The following TMEM108 variants were observed in gnomAD, a reference collection of about 807,000 sequenced individuals.
TMEM108 encodes cancer/testis antigen 124.
TMEM108 carries 12 observed loss-of-function variants against 35.1 expected under a neutral mutation model. The ratio of observed to expected loss-of-function variants is 0.34; its 90% CI spans 0.22 to 0.55. The LOEUF is 0.55. Ranked by LOEUF, TMEM108 falls within the 20% of genes least tolerant of loss-of-function variation. TMEM108 has a pLI of 0.89. For missense variants in TMEM108, 680 were observed against 753.3 expected, an observed-to-expected ratio of 0.90 and a Z score of 1.14; for synonymous variants, 287 against 308.6, an observed-to-expected ratio of 0.93 and a Z score of 0.73.
intron 2 of TMEM108, among the ~76,000 whole-genome samples, chr3:133,085,688 GATA>G (rs1943872669): frequency 6.6e-6 from 1 of 152,058 alleles, no homozygotes; most frequent in Non-Finnish European, 1.5e-5. Flanking sequence ...TGTATTCAGT[GATA>G]ATAAGATGTC....
chr3:133,180,237 T>A (rs532645605), intron 2 of TMEM108, among the ~76,000 whole-genome samples: 3 of 152,240 alleles, frequency 2.0e-5, no homozygotes, highest in Admixed American at 6.5e-5. Context: ...GTGGGAATAT[T>A]GCATTTTTCA....
At position 133,163,976 on chromosome 3, in the gene TMEM108, G is replaced by A. The variant is rs563271852; in HGVS notation, c.-46-65290G>A. Among the ~76,000 whole-genome samples, 13 of 152,190 alleles carry A rather than the reference G, an allele frequency of 8.5e-5. No individual in the cohort carries two copies. The East Asian group carries it at 1.7e-3, about 20-fold the overall frequency. ...TGATTTTCGGTTTTCACAATATTCC[G>A]AGCTAGGATCTTGCCTATTTCTAGT... On this transcript the variant is annotated intron_variant, in intron 2 of 5. Transcript: ENST00000321871.
chr3:133,295,244 A>AG (rs1402892436), intron 3 of TMEM108, among the ~76,000 whole-genome samples: 2 of 152,202 alleles, frequency 1.3e-5, no homozygotes, highest in African/African-American at 4.8e-5. Flanking sequence ...CGGAACCCTG[A>AG]GAACCATAGC....
intron 2 of TMEM108, among the ~76,000 whole-genome samples, chr3:133,089,857 G>A (rs1010050279): frequency 4.6e-5 from 7 of 152,182 alleles, no homozygotes; most frequent in African/African-American, 1.4e-4. Flanking sequence ...CTGTATATCA[G>A]CATTTGTAAG....
At chr3:133,244,972 A>C (rs1372556575) in intron 3 of TMEM108, among the ~76,000 whole-genome samples, 1 of 152,188 alleles carries the variant, frequency 6.6e-6, no homozygotes, top group African/African-American at 2.4e-5. Flanking sequence ...TTTAAAGAAG[A>C]GGGAGAGGAA....
chr3:133,281,237 A>G (rs1434470317), intron 3 of TMEM108, among the ~76,000 whole-genome samples: 1 of 152,218 alleles, frequency 6.6e-6, no homozygotes, highest in Non-Finnish European at 1.5e-5. Flanking sequence ...GAGGGTTCCC[A>G]TGTTTAAATA....
At chr3:133,081,099 C>T (rs9849462) in intron 2 of TMEM108, among the ~76,000 whole-genome samples, 33,963 of 152,172 alleles carry the variant, frequency 0.22, 4,494 homozygotes, top group Non-Finnish European at 0.3. Flanking sequence ...ACAGTGTCGT[C>T]ACTTCTCATG....
rs142137859 is a variant in TMEM108 at position 133,290,498 on chromosome 3, G to A, written c.40+61147G>A. ...TAGCTGGGCATGGTGGTGCACTCCTGTAATTCCAGCTACTGGGAAGGCTGA... is the reference window on the plus strand; with the variant it reads ...TAGCTGGGCATGGTGGTGCACTCCTATAATTCCAGCTACTGGGAAGGCTGA... On this transcript the variant is annotated intron_variant, in intron 3 of 5. Transcript: ENST00000321871. Among the ~76,000 whole-genome samples, 428 of 152,160 alleles carry A rather than the reference G, an allele frequency of 2.8e-3. 3 individuals are homozygous for A. Among genetic ancestry groups the A allele is most frequent in the African/African-American group, 0.01 (416 of 41,508 alleles).
intron 2 of TMEM108, among the ~76,000 whole-genome samples, chr3:133,181,359 A>G (rs1238668140): frequency 6.6e-6 from 1 of 152,162 alleles, no homozygotes; most frequent in East Asian, 1.9e-4. Context: ...AGCAATCACT[A>G]GGGGCTACAT....
intron 3 of TMEM108, among the ~76,000 whole-genome samples, chr3:133,306,308 C>T (rs2107707420): frequency 6.6e-6 from 1 of 152,262 alleles, no homozygotes; most frequent in South Asian, 2.1e-4. Context: ...TAGTTCATTA[C>T]TTTTGCATAT....
intron 3 of TMEM108, among the ~76,000 whole-genome samples, chr3:133,292,941 A>G (rs1029690006): frequency 3.3e-5 from 5 of 152,210 alleles, no homozygotes; most frequent in East Asian, 1.9e-4. Flanking sequence ...TAAAGTTGGT[A>G]TACTAGCATG....
chr3:133,300,258 A>G (rs1459752092), intron 3 of TMEM108, among the ~76,000 whole-genome samples: 1 of 152,180 alleles, frequency 6.6e-6, no homozygotes, highest in African/African-American at 2.4e-5. Context: ...AGACGGATTA[A>G]TGTCCGTAGG....
intron 3 of TMEM108, among the ~76,000 whole-genome samples, chr3:133,279,395 G>C (rs1946881940): frequency 6.6e-6 from 1 of 152,340 alleles, no homozygotes; most frequent in East Asian, 1.9e-4. Context: ...AAGGTCACTT[G>C]CAAGTAAGAA....
intron 2 of TMEM108, among the ~76,000 whole-genome samples, chr3:133,061,119 A>G (rs1044066340): frequency 3.3e-5 from 5 of 152,198 alleles, no homozygotes; most frequent in Non-Finnish European, 7.3e-5. Context: ...GGCCTGTTCA[A>G]TAAAATCTTA....
chr3:133,211,252 G>C (rs1412542317), intron 2 of TMEM108, among the ~76,000 whole-genome samples: 3 of 151,906 alleles, frequency 2.0e-5, no homozygotes, highest in Non-Finnish European at 2.9e-5. Flanking sequence ...TACTTTCTAT[G>C]ACCTTACCTC....
intron 4 of TMEM108, chr3:133,388,968 C>G: frequency 1.0e-6 from 1 of 985,644 alleles, no homozygotes; most frequent in Non-Finnish European, 1.2e-6. Flanking sequence ...CTCCCCAGCA[C>G]AGAGATGGTT....
At chr3:133,378,203 T>A (rs1047632509) in intron 3 of TMEM108, 4 of 352,412 alleles carry the variant, frequency 1.1e-5, no homozygotes, top group African/African-American at 2.2e-5. Context: ...CCCCGCAGCC[T>A]CCCACTCCCC....
Position 133,150,696 on chromosome 3 carries a change from A to T in TMEM108, c.-46-78570A>T, listed in dbSNP as rs140852659. Among the ~76,000 whole-genome samples the T allele has an allele frequency of 3.5e-3, 530 of 152,298 alleles. 2 individuals carry two copies. Among genetic ancestry groups the T allele is most frequent in the African/African-American group, 0.012 (502 of 41,558 alleles). The stretch of plus-strand genomic sequence containing the variant: ...GGATAGCTTAGCTTTAAAAAAAGCC[A>T]TTCTGTGGTTATAAAATATCTATAG... On this transcript the variant is annotated intron_variant, in intron 2 of 5. Coordinates refer to ENST00000321871, the MANE Select transcript of TMEM108 (RefSeq NM_023943.4).
chr3:133,288,147 A>C (rs1947011247), intron 3 of TMEM108, among the ~76,000 whole-genome samples: 1 of 152,236 alleles, frequency 6.6e-6, no homozygotes, highest in South Asian at 2.1e-4. Flanking sequence ...TAGATAAATT[A>C]GTAGCTCCAC....
Sources: gnomAD v4.1 joint callset for allele counts (sites outside exome capture counted in the v4.1 genomes callset) on GRCh38, gnomAD v4.1.1 for gene constraint, MANE v1.5 for transcripts, NCBI Gene and HGNC (gene_info 2026-07-23, HGNC 2026-07-21) for gene names.